Variants in SELENOO observed in about 807,000 individuals in gnomAD.
SELENOO encodes selenoprotein O.
A neutral mutation model predicts 58.7 loss-of-function variants in SELENOO; 74 were observed. The observed-to-expected ratio is 1.26, with a 90% CI of 1.04 to 1.53. The LOEUF (loss-of-function observed/expected upper bound fraction) is 1.53, where lower values mean the gene tolerates loss of function less well. SELENOO is among the 40% of genes most tolerant of loss of function. The probability of loss-of-function intolerance (pLI) is 0.00; values close to 1 mark genes in which losing one functional copy is unlikely to be tolerated. For synonymous variants in SELENOO, 543 were observed against 453.2 expected (o/e 1.20, Z -2.52); for missense variants, 1,149 against 970.0 (o/e 1.18, Z -2.45).
chr22:50,216,201 T>G (rs1370994128), intron 6 of SELENOO, among the ~76,000 whole-genome samples: 1 of 152,214 alleles, frequency 6.6e-6, no homozygotes, highest in East Asian at 1.9e-4. Context: ...AGGGCTGCCC[T>G]GTCTGAAGAG....
At chr22:50,209,477 C>T (rs953766818) in intron 3 of SELENOO, 1 of 152,666 alleles carries the variant, frequency 6.6e-6, no homozygotes. Flanking sequence ...TGTGGGTGGG[C>T]GATGGGGCTG....
chr22:50,202,868 G>A (rs1238915146), intron 1 of SELENOO, among the ~76,000 whole-genome samples: 1 of 152,154 alleles, frequency 6.6e-6, no homozygotes, highest in Non-Finnish European at 1.5e-5. Context: ...TGAGGCTAAC[G>A]TCTGAAGTGG....
chr22:50,210,674 C>G lies in SELENOO; in HGVS notation c.1114C>G (p.Arg372Gly). The G allele has an allele frequency of 6.2e-7, 1 of 1,613,148 alleles. No homozygotes were observed. The change falls in exon 5 of 9, where the codon CGC becomes GGC. Residue 372 changes from arginine to glycine, a missense_variant. Transcript: ENST00000380903. ...HVCNASDNTG[R>G]YAYSKQPEVC... ...GTGCAATGCCTCCGACAACACCGGC[C>G]GCTACGCGTACAGCAAGCAGCCCGA...
At chr22:50,210,123 G>C in intron 3 of SELENOO, 58 bp from the exon 4 acceptor site, 2 of 1,579,462 alleles carry the variant, frequency 1.3e-6, no homozygotes, top group South Asian at 1.1e-5. Flanking sequence ...GGATGGACAC[G>C]AGTGGGGAGG....
rs951735686 is a variant in SELENOO at position 50,201,406 on chromosome 22, T to C, written c.370T>C (p.Phe124Leu). Residue 124 changes from phenylalanine (F) to leucine (L), a missense_variant, in exon 1 of 9, where the codon TTC (phenylalanine) becomes CTC (leucine). Physicochemically the swap from Phe to Leu is conservative, Grantham distance 22. Coordinates refer to ENST00000380903, the MANE Select transcript of SELENOO (RefSeq NM_031454.2). The stretch of plus-strand genomic sequence containing the variant: ...GGCCGAGGCCGAGGCCGCGCTGTTC[T>C]TCAGCGGCAACGCGCTCCTGCCGGG... ...REAEAEAALF[F>L]SGNALLPGAE... 2.2e-6 allele frequency: 3 copies of C among 1,337,368 alleles called. No homozygotes were observed. Among genetic ancestry groups the C allele is most frequent in the Non-Finnish European group, 2.9e-6 (3 of 1,039,342 alleles). The allele number at this position is 1,337,368 out of a possible 1,614,324, so 82.8% of individuals were successfully genotyped here.
rs186097492 is a variant in SELENOO at position 50,216,801 on chromosome 22, G to T, written c.1613G>T (p.Arg538Leu). Reference sequence around the variant, plus strand: ...CTGGAGCGTGTGGAGCAGCAGTCTCGGCTGGAGCAGCTGAGTGCGGCAGAG... The same window carrying T: ...CTGGAGCGTGTGGAGCAGCAGTCTCTGCTGGAGCAGCTGAGTGCGGCAGAG... ...RELERVEQQS[R>L]LEQLSAAELQ... Residue 538 changes from arginine to leucine, a missense_variant, in exon 7 of 9, where the codon CGG (arginine) becomes CTG (leucine). Physicochemically the swap from Arg to Leu is moderately radical, Grantham distance 102. Coordinates refer to ENST00000380903, the MANE Select transcript of SELENOO (RefSeq NM_031454.2). 59 of 1,608,710 alleles carry T rather than the reference G, an allele frequency of 3.7e-5. No individual in the cohort carries two copies. The East Asian group carries it at 1.2e-3, about 33-fold the overall frequency.
rs1052827 is a variant in SELENOO, at chr22:50,217,333, C to T, written c.1974C>T (p.Leu658=). The T allele has an allele frequency of 3.1e-6, 5 of 1,612,974 alleles. No homozygotes were observed. In the East Asian group the frequency reaches 8.9e-5, roughly 29 times the overall value. The change falls in exon 9 of 9, where the codon CTC becomes CTT. Residue 658 remains leucine, a synonymous_variant. Coordinates refer to ENST00000380903, the MANE Select transcript of SELENOO (RefSeq NM_031454.2). ...RQRSYSSKPP[L]WAAELCVTUS... ...GCTCCTACAGCAGTAAGCCCCCGCT[C>T]TGGGCAGCAGAACTGTGCGTGACAT...
intron 4 of SELENOO, 151 bp from the exon 5 acceptor site, chr22:50,210,480 C>T (rs370478357): frequency 7.3e-7 from 1 of 1,364,740 alleles, no homozygotes; most frequent in Non-Finnish European, 1.0e-6. Context: ...AGGCCTTGGC[C>T]AGGGGCTGGT....
intron 5 of SELENOO, among the ~76,000 whole-genome samples, chr22:50,213,204 G>C (rs76533541): frequency 6.6e-6 from 1 of 152,092 alleles, no homozygotes; most frequent in Non-Finnish European, 1.5e-5. Flanking sequence ...GGGACTACTG[G>C]CATGCTCCAC....
chr22:50,211,691 G>A (rs1343055485), intron 5 of SELENOO, among the ~76,000 whole-genome samples: 1 of 152,098 alleles, frequency 6.6e-6, no homozygotes, highest in Non-Finnish European at 1.5e-5. Context: ...CTTTTAATAT[G>A]CTATATGATT....
intron 2 of SELENOO, among the ~76,000 whole-genome samples, chr22:50,206,776 C>T (rs1422775961): frequency 6.6e-6 from 1 of 152,228 alleles, no homozygotes; most frequent in East Asian, 1.9e-4. Context: ...TCCCACGTGC[C>T]CGGCCAGGCC....
rs2064361155 is a variant in SELENOO at position 50,210,438 on chromosome 22, T to C, written c.1070+127T>C. The C allele has an allele frequency of 4.4e-6, 6 of 1,367,932 alleles. No homozygotes were observed. In the South Asian group the frequency reaches 6.7e-5, roughly 15 times the overall value. 84.7% of individuals were successfully genotyped at this position (1,367,932 alleles called of 1,614,324 possible). A position where few individuals can be genotyped will look rare whatever the true frequency, so the allele number is the denominator to read the frequency against. The stretch of plus-strand genomic sequence containing the variant: ...GGGAGCCGAGGGGGCTGGGGGCTGA[T>C]GTAGGAAGTAGAGAGTCCAGGGCAA... On this transcript the variant is annotated intron_variant, in intron 4 of 8. Transcript: ENST00000380903.
rs371765442 is a variant in SELENOO at position 50,217,121 on chromosome 22, T to C, written c.1838T>C (p.Phe613Ser). ...ATCGAGGCTGCCGAGCGCGGGGACT[T>C]CTCAGAGGCAAGCACACGCCTGTCC... ...NAIEAAERGDFSEVRRVLKLL... is the reference protein window; with the variant it reads ...NAIEAAERGDSSEVRRVLKLL... Residue 613 changes from phenylalanine to serine, a missense_variant, in exon 8 of 9, where the codon TTC becomes TCC. By Grantham distance (155) the Phe-to-Ser change is radical (BLOSUM62 -2). Coordinates refer to ENST00000380903, the MANE Select transcript of SELENOO (RefSeq NM_031454.2). 18 of 1,612,696 alleles carry C rather than the reference T, an allele frequency of 1.1e-5. No individual in the cohort carries two copies. Among genetic ancestry groups the C allele is most frequent in the Non-Finnish European group, 1.4e-5 (16 of 1,179,790 alleles).
At chr22:50,211,052 T>C in intron 5 of SELENOO, 141 bp downstream of exon 5, 2 of 840,676 alleles carry the variant, frequency 2.4e-6, no homozygotes, top group South Asian at 1.6e-5. Flanking sequence ...TTCTACTCTC[T>C]GTCTTTATGA....
At chr22:50,215,642 G>C (rs1355307119) in intron 5 of SELENOO, 75 bp from the exon 6 acceptor site, 2 of 1,234,910 alleles carry the variant, frequency 1.6e-6, no homozygotes, top group Middle Eastern at 3.0e-4. Flanking sequence ...GGGTGGGGGG[G>C]GGGGGGTCTG....
Position 50,201,414 on chromosome 22 carries a change from C to T in SELENOO, c.378C>T (p.Gly126=), listed in dbSNP as rs1271841863. 2 of 1,347,208 alleles carry T rather than the reference C, an allele frequency of 1.5e-6. No individual in the cohort carries two copies. The highest frequency in any genetic ancestry group is 1.5e-5 in the African/African-American group (1 of 65,446). The allele number at this position is 1,347,208 out of a possible 1,614,324, so 83.5% of individuals were successfully genotyped here. The change falls in exon 1 of 9, where the codon GGC becomes GGT. Residue 126 remains glycine, a synonymous_variant. Coordinates refer to ENST00000380903, the MANE Select transcript of SELENOO (RefSeq NM_031454.2). ...AEAEAALFFS[G]NALLPGAEPA... is the part of the protein sequence containing the mutation. ...CCGAGGCCGCGCTGTTCTTCAGCGGCAACGCGCTCCTGCCGGGCGCCGAGC... is the reference window on the plus strand; with the variant it reads ...CCGAGGCCGCGCTGTTCTTCAGCGGTAACGCGCTCCTGCCGGGCGCCGAGC...
At chr22:50,204,237 G>A (rs1033308831) in intron 1 of SELENOO, among the ~76,000 whole-genome samples, 6 of 152,174 alleles carry the variant, frequency 3.9e-5, no homozygotes, top group African/African-American at 9.7e-5. Flanking sequence ...AGGAGGCTGA[G>A]GCAGAATTGC....
rs1569102906 is a variant in SELENOO, at chr22:50,210,625, T to G, written c.1071-6T>G. 1 of 1,612,828 alleles carries G rather than the reference T, an allele frequency of 6.2e-7. No homozygotes were observed. The highest frequency in any genetic ancestry group is 2.2e-5 in the East Asian group (1 of 44,876). On this transcript the variant is annotated splice_region_variant and splice_polypyrimidine_tract_variant and intron_variant, in intron 4 of 8. Coordinates refer to ENST00000380903, the MANE Select transcript of SELENOO (RefSeq NM_031454.2). Reference sequence around the variant, plus strand: ...CAGGGCGTGGCTCTCTTGCCCCGTGTGGCAGGTACGACCCCGACCACGTGT... The same window carrying G: ...CAGGGCGTGGCTCTCTTGCCCCGTGGGGCAGGTACGACCCCGACCACGTGT...
chr22:50,216,734 C>T lies in SELENOO; in HGVS notation c.1546C>T (p.Leu516=). The T allele has an allele frequency of 1.2e-6, 2 of 1,605,126 alleles. No homozygotes were observed. Among genetic ancestry groups the T allele is most frequent in the Non-Finnish European group, 1.7e-6 (2 of 1,178,278 alleles). Residue 516 remains leucine, a synonymous_variant, in exon 7 of 9, where the codon CTG becomes TTG. Transcript: ENST00000380903. Reference sequence around the variant, plus strand: ...GATGCTGGCGCAGTCAAACCCGCAGCTGTTCGCGCTTATGGGCACCCGGGC... The same window carrying T: ...GATGCTGGCGCAGTCAAACCCGCAGTTGTTCGCGCTTATGGGCACCCGGGC... The part of the protein sequence containing the change: ...MLMLAQSNPQ[L]FALMGTRAGI...
Sources: gnomAD v4.1 joint callset for allele counts (sites outside exome capture counted in the v4.1 genomes callset) on GRCh38, gnomAD v4.1.1 for gene constraint, MANE v1.5 for transcripts, NCBI Gene and HGNC (gene_info 2026-07-23, HGNC 2026-07-21) for gene names.